Variants in TNFRSF11B observed in about 807,000 individuals in gnomAD.
The protein encoded by TNFRSF11B is tumor necrosis factor receptor superfamily member 11B.
TNFRSF11B carries 16 observed loss-of-function variants against 43.4 expected under a neutral mutation model. The observed-to-expected ratio is 0.37, with a 90% CI of 0.25 to 0.56. The LOEUF (loss-of-function observed/expected upper bound fraction) is 0.56. Ranked by LOEUF, TNFRSF11B falls within the 20% of genes least tolerant of loss-of-function variation. The pLI is 0.80. For synonymous variants in TNFRSF11B, 185 were observed against 181.8 expected, an observed-to-expected ratio of 1.02 and a Z score of -0.14; for missense variants, 444 against 490.1, an observed-to-expected ratio of 0.91 and a Z score of 0.89.
At chr8:118,938,723 T>A (rs979515251) in intron 1 of TNFRSF11B, among the ~76,000 whole-genome samples, 37 of 152,182 alleles carry the variant, frequency 2.4e-4, no homozygotes, top group South Asian at 2.1e-4. Flanking sequence ...AAGACTAGCT[T>A]TTGTCCAAAG....
intron 1 of TNFRSF11B, among the ~76,000 whole-genome samples, chr8:118,937,773 C>T (rs1376246430): frequency 6.6e-6 from 1 of 152,060 alleles, no homozygotes; most frequent in Non-Finnish European, 1.5e-5. Context: ...CAATTAGTTT[C>T]AATCAATTAG....
intron 1 of TNFRSF11B, among the ~76,000 whole-genome samples, chr8:118,944,380 C>T (rs996268054): frequency 6.6e-6 from 1 of 152,062 alleles, no homozygotes; most frequent in African/African-American, 2.4e-5. Flanking sequence ...CTATTAAGTG[C>T]TCTAATTTGT....
At chr8:118,934,184 C>T (rs1197273778) in intron 1 of TNFRSF11B, among the ~76,000 whole-genome samples, 1 of 152,112 alleles carries the variant, frequency 6.6e-6, no homozygotes, top group Non-Finnish European at 1.5e-5. Context: ...TATATGATTA[C>T]AACAATCATT....
intron 1 of TNFRSF11B, among the ~76,000 whole-genome samples, chr8:118,937,485 G>C (rs1812420605): frequency 6.6e-6 from 1 of 152,186 alleles, no homozygotes; most frequent in Non-Finnish European, 1.5e-5. Context: ...GCTCATGTTT[G>C]ATCCTACCAG....
At chr8:118,931,288 G>A (rs1812325103) in intron 2 of TNFRSF11B, among the ~76,000 whole-genome samples, 1 of 152,152 alleles carries the variant, frequency 6.6e-6, no homozygotes, top group Non-Finnish European at 1.5e-5. Context: ...TAGGGAGGGA[G>A]AGGTAAATAA....
At chr8:118,949,568 A>G (rs1170888667) in intron 1 of TNFRSF11B, among the ~76,000 whole-genome samples, 1 of 152,216 alleles carries the variant, frequency 6.6e-6, no homozygotes, top group African/African-American at 2.4e-5. Flanking sequence ...TGGTACTGGT[A>G]TTTGATTTTT....
At chr8:118,949,512 A>G (rs1812610368) in intron 1 of TNFRSF11B, among the ~76,000 whole-genome samples, 1 of 152,208 alleles carries the variant, frequency 6.6e-6, no homozygotes, top group African/African-American at 2.4e-5. Flanking sequence ...AGACAAAACT[A>G]AAACTCAAGA....
At chr8:118,936,038 C>T (rs1312084882) in intron 1 of TNFRSF11B, among the ~76,000 whole-genome samples, 1 of 152,042 alleles carries the variant, frequency 6.6e-6, no homozygotes, top group African/African-American at 2.4e-5. Flanking sequence ...TAGAAGAAGC[C>T]GTATAAATAC....
At chr8:118,928,988 C>T in intron 2 of TNFRSF11B, 59 bp from the exon 3 acceptor site, 2 of 1,497,326 alleles carry the variant, frequency 1.3e-6, no homozygotes, top group Non-Finnish European at 1.9e-6. Context: ...CAGCAGATGC[C>T]CTCTTAACAC....
intron 2 of TNFRSF11B, among the ~76,000 whole-genome samples, chr8:118,929,911 C>T (rs1812302820): frequency 6.6e-6 from 1 of 152,166 alleles, no homozygotes; most frequent in Admixed American, 6.5e-5. Flanking sequence ...GCTACAGAAA[C>T]TTATTAAACT....
At chr8:118,926,383 A>G in intron 4 of TNFRSF11B, 111 bp downstream of exon 4, 2 of 1,050,034 alleles carry the variant, frequency 1.9e-6, no homozygotes, top group Non-Finnish European at 2.9e-6. Context: ...CAATGATTCC[A>G]ACAGGGAAAC....
chr8:118,944,936 G>A (rs934426006), intron 1 of TNFRSF11B, among the ~76,000 whole-genome samples: 1 of 151,952 alleles, frequency 6.6e-6, no homozygotes, highest in South Asian at 2.1e-4. Flanking sequence ...AACTAAATGG[G>A]ATATGAAAAA....
intron 2 of TNFRSF11B, among the ~76,000 whole-genome samples, chr8:118,930,997 G>A (rs1812320591): frequency 6.6e-6 from 1 of 152,046 alleles, no homozygotes; most frequent in African/African-American, 2.4e-5. Flanking sequence ...TACTATCAGT[G>A]GAAATATAAA....
intron 1 of TNFRSF11B, among the ~76,000 whole-genome samples, chr8:118,943,561 A>G (rs1812517872): frequency 6.6e-6 from 1 of 152,174 alleles, no homozygotes; most frequent in Admixed American, 6.5e-5. Context: ...GCTGGGTAAC[A>G]TTAGGGAAAG....
chr8:118,937,581 C>T (rs1812421734), intron 1 of TNFRSF11B, among the ~76,000 whole-genome samples: 1 of 151,982 alleles, frequency 6.6e-6, no homozygotes, highest in Non-Finnish European at 1.5e-5. Context: ...ATTATGTAAA[C>T]CAACAAACAT....
chr8:118,933,815 T>G (rs1812364186), intron 1 of TNFRSF11B, among the ~76,000 whole-genome samples: 1 of 152,224 alleles, frequency 6.6e-6, no homozygotes, highest in Non-Finnish European at 1.5e-5. Context: ...GCATACTAAA[T>G]AATCATCTCT....
chr8:118,932,676 AC>A (rs1244753029), intron 2 of TNFRSF11B, among the ~76,000 whole-genome samples: 2 of 150,124 alleles, frequency 1.3e-5, no homozygotes, highest in Non-Finnish European at 1.5e-5. Context: ...AAAAAAAAAA[AC>A]CATCATGCAT....
At chr8:118,945,705 G>T (rs1187279102) in intron 1 of TNFRSF11B, among the ~76,000 whole-genome samples, 5 of 152,046 alleles carry the variant, frequency 3.3e-5, no homozygotes, top group East Asian at 3.9e-4. Flanking sequence ...AAGAATAAAA[G>T]AAATCATTTT....
At position 118,951,878 on chromosome 8, in the gene TNFRSF11B, G is replaced by A; in HGVS notation, c.-57C>T. The stretch of plus-strand genomic sequence containing the variant: ...GCGGCGGCTGGGCGAGCGCTCCGGT[G>A]CGTCTCCGCAGCCCGTGCGCTCATC... On this transcript the variant is annotated 5_prime_UTR_variant, in exon 1 of 5. Coordinates refer to ENST00000297350, the MANE Select transcript of TNFRSF11B (RefSeq NM_002546.4). 1 of 1,496,376 alleles carries A rather than the reference G, an allele frequency of 6.7e-7. No homozygotes were observed. Among genetic ancestry groups the A allele is most frequent in the Non-Finnish European group, 9.1e-7 (1 of 1,094,804 alleles). 92.7% of individuals were successfully genotyped at this position (1,496,376 alleles called of 1,614,324 possible).
Sources: gnomAD v4.1 joint callset for allele counts (sites outside exome capture counted in the v4.1 genomes callset) on GRCh38, gnomAD v4.1.1 for gene constraint, MANE v1.5 for transcripts, NCBI Gene and HGNC (gene_info 2026-07-23, HGNC 2026-07-21) for gene names.